SFTPC: variants seen among roughly 807,000 people sequenced by gnomAD.
The protein encoded by SFTPC is BRICHOS domain containing 6.
A neutral mutation model predicts 19.9 loss-of-function variants in SFTPC; 12 were observed. The ratio of observed to expected loss-of-function variants is 0.60; its 90% CI spans 0.39 to 0.98. The LOEUF (loss-of-function observed/expected upper bound fraction) is 0.98. Ranked by LOEUF, SFTPC falls within the 50% of genes least tolerant of loss-of-function variation. The pLI, the probability that SFTPC is intolerant of heterozygous loss-of-function variation, is 0.00. For missense variants in SFTPC, 219 were observed against 252.2 expected, an observed-to-expected ratio of 0.87 and a Z score of 0.89; for synonymous variants, 123 against 103.3, an observed-to-expected ratio of 1.19 and a Z score of -1.16.
chr8:22,163,145 T>C lies in SFTPC; in HGVS notation c.267T>C (p.Val89=), dbSNP rs752977645. ...GCCTGGCCCTGAGTGAGCACCTGGTTACCACTGCCACCTTCTCCATCGGCT... is the reference window on the plus strand; with the variant it reads ...GCCTGGCCCTGAGTGAGCACCTGGTCACCACTGCCACCTTCTCCATCGGCT... ...QQRLALSEHL[V]TTATFSIGST... Residue 89 remains valine (V), a synonymous_variant, in exon 3 of 6, where the codon GTT becomes GTC. Transcript: ENST00000679463. The C allele has an allele frequency of 8.7e-6, 14 of 1,614,146 alleles. No homozygotes were observed. Among genetic ancestry groups the C allele is most frequent in the Non-Finnish European group, 1.1e-5 (13 of 1,180,020 alleles).
rs371385087 is a variant in SFTPC at position 22,163,289 on chromosome 8, C to G, written c.324+87C>G. The G allele has an allele frequency of 3.1e-5, 49 of 1,580,934 alleles. No individual in the cohort carries two copies. The African/African-American group carries it at 4.8e-4, about 16-fold the overall frequency. On this transcript the variant is annotated intron_variant, in intron 3 of 5. Coordinates refer to ENST00000679463, the MANE Select transcript of SFTPC (RefSeq NM_001317778.2). ...GCTGGGCCACTTCATCCACATCCATCTCTCCCTCTCCTCCAGACCTTTTTT... is the reference window on the plus strand; with the variant it reads ...GCTGGGCCACTTCATCCACATCCATGTCTCCCTCTCCTCCAGACCTTTTTT...
chr8:22,160,173 C>T (rs1357505258), upstream of SFTPC, among the ~76,000 whole-genome samples: 2 of 152,208 alleles, frequency 1.3e-5, no homozygotes, highest in Non-Finnish European at 2.9e-5. Context: ...CAGGGGCTCT[C>T]AGTTCAGATG....
intron 4 of SFTPC, 114 bp downstream of exon 4, chr8:22,163,660 G>C (rs566202129): frequency 1.2e-6 from 1 of 831,742 alleles, no homozygotes; most frequent in Non-Finnish European, 2.0e-6. Flanking sequence ...TTGGCTGCCA[G>C]CTGACTGCCC....
upstream of SFTPC, chr8:22,159,136 C>T (rs1827614528): frequency 6.5e-6 from 1 of 152,690 alleles, no homozygotes; most frequent in Non-Finnish European, 1.5e-5. Flanking sequence ...GGTGGAAGGT[C>T]AGATGCACTG....
upstream of SFTPC, chr8:22,159,980 AG>A: frequency 1.9e-6 from 1 of 516,766 alleles, no homozygotes; most frequent in South Asian, 1.8e-5. Flanking sequence ...CACACAGCTG[AG>A]GCCGAGCTGA....
chr8:22,160,316 C>T (rs751928107), upstream of SFTPC, among the ~76,000 whole-genome samples: 3 of 152,140 alleles, frequency 2.0e-5, no homozygotes, highest in Non-Finnish European at 4.4e-5. Flanking sequence ...ACTGGGGTGG[C>T]ATGTTAAAGG....
upstream of SFTPC, among the ~76,000 whole-genome samples, chr8:22,161,225 G>A (rs1370601557): frequency 6.6e-6 from 1 of 152,188 alleles, no homozygotes; most frequent in East Asian, 1.9e-4. Flanking sequence ...TATGTGGGAG[G>A]AGGCAAGGTA....
At position 22,163,694 on chromosome 8, in the gene SFTPC, C is replaced by T. The variant is rs2070685; in HGVS notation, c.435+148C>T. On this transcript the variant is annotated intron_variant, in intron 4 of 5. Coordinates refer to ENST00000679463, the MANE Select transcript of SFTPC (RefSeq NM_001317778.2). Reference sequence around the variant, plus strand: ...CCCTCTCCTATTCCCCTGCACGACTCCTTTCCTTCCCACCCCACTGCCAAG... The same window carrying T: ...CCCTCTCCTATTCCCCTGCACGACTTCTTTCCTTCCCACCCCACTGCCAAG... The T allele has an allele frequency of 0.12, 94,137 of 790,466 alleles. 6,886 individuals carry two copies. Among genetic ancestry groups the T allele is most frequent in the East Asian group, 0.26 (9,679 of 37,640 alleles). The allele number at this position is 790,466 out of a possible 1,614,324, so 49.0% of individuals were successfully genotyped here. A position where few individuals can be genotyped will look rare whatever the true frequency, so the allele number is the denominator to read the frequency against.
chr8:22,161,943 C>G, intron 1 of SFTPC, 73 bp downstream of exon 1: 1 of 1,442,710 alleles, frequency 6.9e-7, no homozygotes, highest in Non-Finnish European at 9.7e-7. Context: ...CTCCTCTATC[C>G]TCCCTGGCCT....
intron 4 of SFTPC, 85 bp from the exon 5 acceptor site, chr8:22,163,816 C>A: frequency 8.0e-7 from 1 of 1,254,420 alleles, no homozygotes; most frequent in Non-Finnish European, 1.2e-6. Context: ...AGAGAGATTG[C>A]CTGATATACC....
upstream of SFTPC, chr8:22,161,515 G>A: frequency 3.8e-6 from 2 of 531,652 alleles, no homozygotes; most frequent in Non-Finnish European, 3.3e-6. Context: ...AAGGAAGGCA[G>A]GCACGCCAGG....
At position 22,163,112 on chromosome 8, in the gene SFTPC, C is replaced by T. The variant is rs1307790229; in HGVS notation, c.234C>T (p.Ala78=). ...AGATGAGCATTGGGGCGCCGGAAGC[C>T]CAGCAACGCCTGGCCCTGAGTGAGC... is the stretch of plus-strand genomic sequence containing the variant. ...VLEMSIGAPE[A]QQRLALSEHL... The change falls in exon 3 of 6, where the codon GCC becomes GCT. Residue 78 remains alanine, a synonymous_variant. Transcript: ENST00000679463. 6.2e-7 allele frequency: 1 copy of T among 1,614,152 alleles called. No homozygotes were observed. The highest frequency in any genetic ancestry group is 1.7e-5 in the Admixed American group (1 of 60,018).
chr8:22,159,867 G>A (rs764196825), upstream of SFTPC: 36 of 1,286,086 alleles, frequency 2.8e-5, no homozygotes, highest in Admixed American at 4.6e-5. Flanking sequence ...TGAGTCAGCC[G>A]ATCAATCCCA....
Position 22,162,562 on chromosome 8 carries a change from C to G in SFTPC, c.43-12C>G, listed in dbSNP as rs1475374747. 2 of 1,613,140 alleles carry G rather than the reference C, an allele frequency of 1.2e-6. No individual in the cohort carries two copies. Among genetic ancestry groups the G allele is most frequent in the African/African-American group, 2.7e-5 (2 of 74,894 alleles). ...CCTCATGCCTGTCTCCTTGCCTGCC[C>G]CACCGTGTCAGGACTACTCCGCAGC... On this transcript the variant is annotated splice_polypyrimidine_tract_variant and intron_variant, in intron 1 of 5. Coordinates refer to ENST00000679463, the MANE Select transcript of SFTPC (RefSeq NM_001317778.2).
intron 1 of SFTPC, 105 bp from the exon 2 acceptor site, chr8:22,162,469 T>C: frequency 6.2e-6 from 8 of 1,293,706 alleles, no homozygotes; most frequent in African/African-American, 1.5e-5. Flanking sequence ...TCGCATCGGC[T>C]GTCCAGCCCT....
chr8:22,159,729 GC>G (rs1218961782), upstream of SFTPC: 3 of 1,259,238 alleles, frequency 2.4e-6, no homozygotes, highest in East Asian at 1.1e-4. Flanking sequence ...CACCCACAGT[GC>G]CTGCTAAGAA....
intron 1 of SFTPC, among the ~76,000 whole-genome samples, chr8:22,162,120 C>T (rs956891386): frequency 2.0e-5 from 3 of 152,092 alleles, no homozygotes; most frequent in Non-Finnish European, 2.9e-5. Flanking sequence ...GAGTCAGAAG[C>T]CATGAGAAAC....
intron 3 of SFTPC, 93 bp downstream of exon 3, chr8:22,163,295 C>G: frequency 1.3e-6 from 2 of 1,577,574 alleles, no homozygotes; most frequent in South Asian, 2.2e-5. Context: ...CCATCTCTCC[C>G]TCTCCTCCAG....
intron 4 of SFTPC, 123 bp from the exon 5 acceptor site, chr8:22,163,778 C>T: frequency 1.0e-6 from 1 of 996,714 alleles, no homozygotes; most frequent in Non-Finnish European, 1.6e-6. Flanking sequence ...AGCACAGCCC[C>T]TCTTTACTGA....
Sources: allele counts gnomAD v4.1 joint callset (sites outside exome capture counted in the v4.1 genomes callset), GRCh38; gene constraint gnomAD v4.1.1; transcripts MANE v1.5; gene names NCBI Gene and HGNC (gene_info 2026-07-23, HGNC 2026-07-21).